The following FOXP4 variants were observed in gnomAD, a reference collection of about 807,000 sequenced individuals.
The protein encoded by FOXP4 is forkhead box protein P4.
A neutral mutation model predicts 82.6 loss-of-function variants in FOXP4; 25 were observed. The observed-to-expected ratio is 0.30, with a 90% CI of 0.22 to 0.42. The LOEUF (loss-of-function observed/expected upper bound fraction) is 0.42, where lower values mean the gene tolerates loss of function less well. Ranked by LOEUF, FOXP4 falls within the 10% of genes least tolerant of loss-of-function variation. The pLI, the probability that FOXP4 is intolerant of heterozygous loss-of-function variation, is 1.00. For synonymous variants in FOXP4, 415 were observed against 388.2 expected, an observed-to-expected ratio of 1.07 and a Z score of -0.81; for missense variants, 785 against 900.9, an observed-to-expected ratio of 0.87 and a Z score of 1.65.
At chr6:41,552,484 G>A (rs1764055007) in intron 1 of FOXP4, among the ~76,000 whole-genome samples, 1 of 152,164 alleles carries the variant, frequency 6.6e-6, no homozygotes, top group South Asian at 2.1e-4. Flanking sequence ...CCTTCAGGAA[G>A]CCTCTGAGCT....
chr6:41,559,659 C>G (rs1260630863), intron 1 of FOXP4, among the ~76,000 whole-genome samples: 1 of 152,166 alleles, frequency 6.6e-6, no homozygotes, highest in Non-Finnish European at 1.5e-5. Flanking sequence ...CAGGTAGATC[C>G]CCAGTGCTTA....
chr6:41,571,696 AAG>A (rs576931502), intron 2 of FOXP4, among the ~76,000 whole-genome samples: 66 of 152,138 alleles, frequency 4.3e-4, no homozygotes, highest in Non-Finnish European at 9.0e-4. Flanking sequence ...CAAGGGAAAA[AAG>A]TGCGGAATAA....
chr6:41,571,499 G>A (rs559991280), intron 2 of FOXP4, among the ~76,000 whole-genome samples: 61 of 152,362 alleles, frequency 4.0e-4, no homozygotes, highest in African/African-American at 1.1e-3. Context: ...GCACTTGGTA[G>A]GGAAGGCGTC....
chr6:41,592,208 C>T (rs1032759176), intron 13 of FOXP4, among the ~76,000 whole-genome samples: 2 of 152,176 alleles, frequency 1.3e-5, no homozygotes, highest in Non-Finnish European at 2.9e-5. Flanking sequence ...GCTACCTCCC[C>T]CAATCCCACT....
At chr6:41,556,167 G>A (rs1764265110) in intron 1 of FOXP4, among the ~76,000 whole-genome samples, 1 of 152,030 alleles carries the variant, frequency 6.6e-6, no homozygotes. Flanking sequence ...GAGCCACCTG[G>A]TTTCAGTTTG....
Position 41,584,850 on chromosome 6 carries a change from C to A in FOXP4, c.382C>A (p.Gln128Lys), listed in dbSNP as rs1472520465. Residue 128 changes from glutamine (Q) to lysine (K), a missense_variant, in exon 4 of 17, where the codon CAG becomes AAG. Physicochemically the swap from Gln to Lys is moderately conservative, Grantham distance 53. Around this residue, in one of 3 missense-constraint regions of FOXP4, gnomAD observed 570 missense variants for 634.0 expected, o/e 0.90. Coordinates refer to ENST00000307972, the MANE Select transcript of FOXP4 (RefSeq NM_001012426.2). ...MQQILSPPQL[Q>K]ALLQQQQALM... ...GCAGATCCTGTCGCCCCCGCAGCTG[C>A]AGGCCTTGCTCCAGCAGCAGCAAGC... 9.3e-6 allele frequency: 15 copies of A among 1,610,962 alleles called. No individual in the cohort carries two copies. Among genetic ancestry groups the A allele is most frequent in the Non-Finnish European group, 1.3e-5 (15 of 1,178,812 alleles).
chr6:41,553,982 G>T (rs1259331652), intron 1 of FOXP4, among the ~76,000 whole-genome samples: 1 of 152,184 alleles, frequency 6.6e-6, no homozygotes, highest in Admixed American at 6.5e-5. Flanking sequence ...GTTCTAATAG[G>T]ACATCCCTAT....
At chr6:41,584,692 C>A in intron 3 of FOXP4, 77 bp from the exon 4 acceptor site, 1 of 1,470,128 alleles carries the variant, frequency 6.8e-7, no homozygotes, top group South Asian at 1.3e-5. Context: ...CTCTGCCACG[C>A]TGAGAGTGGG....
chr6:41,594,834 A>G (rs781333403), intron 13 of FOXP4, 36 bp from the exon 14 acceptor site: 2 of 1,612,142 alleles, frequency 1.2e-6, no homozygotes, highest in South Asian at 2.2e-5. Flanking sequence ...TTGGCCAAGC[A>G]AGCCGCCTCT....
intron 2 of FOXP4, among the ~76,000 whole-genome samples, chr6:41,566,713 C>G (rs1764900913): frequency 6.6e-6 from 1 of 152,212 alleles, no homozygotes; most frequent in Non-Finnish European, 1.5e-5. Context: ...TTGAGGAGAA[C>G]CTTCCCAGCC....
At chr6:41,588,933 G>A (rs1766327060) in intron 9 of FOXP4, among the ~76,000 whole-genome samples, 1 of 152,234 alleles carries the variant, frequency 6.6e-6, no homozygotes, top group Non-Finnish European at 1.5e-5. Context: ...AACCAAGGTT[G>A]GGGGCGTCTC....
rs890609107 is a variant in FOXP4, at chr6:41,558,191, G to T, written c.-16-7554G>T. The stretch of plus-strand genomic sequence containing the variant: ...TTGGAGAGGGATTAAGCCTACTCTC[G>T]AACTCACAGAGCCCCATGTGTTTGG... On this transcript the variant is annotated intron_variant, in intron 1 of 16. Coordinates refer to ENST00000307972, the MANE Select transcript of FOXP4 (RefSeq NM_001012426.2). This position sits in a 1 kb window ranked among gnomAD's most constrained non-coding sequence, Gnocchi z 4.0. 6.6e-6 allele frequency among the ~76,000 whole-genome samples: 1 copy of T among 152,144 alleles called. No homozygotes were observed. Among genetic ancestry groups the T allele is most frequent in the East Asian group, 1.9e-4 (1 of 5,184 alleles).
chr6:41,585,108 C>T (rs1479512888), intron 4 of FOXP4, among the ~76,000 whole-genome samples: 1 of 152,144 alleles, frequency 6.6e-6, no homozygotes, highest in Non-Finnish European at 1.5e-5. Flanking sequence ...GTCCTCCCTC[C>T]CTGCATGCTG....
intron 3 of FOXP4, among the ~76,000 whole-genome samples, chr6:41,579,854 A>G (rs1426030997): frequency 1.3e-5 from 2 of 152,194 alleles, no homozygotes; most frequent in African/African-American, 2.4e-5. Flanking sequence ...AGTGCTTACC[A>G]TGAAGTGTAG....
chr6:41,559,969 C>T (rs1047198100), intron 1 of FOXP4, among the ~76,000 whole-genome samples: 6 of 152,118 alleles, frequency 3.9e-5, no homozygotes, highest in Non-Finnish European at 5.9e-5. Context: ...CGTTGTGGTC[C>T]GTCATTCTCA....
Position 41,598,975 on chromosome 6 carries a change from C to A in FOXP4, c.*39C>A. 2.0e-6 allele frequency: 3 copies of A among 1,511,344 alleles called. No individual in the cohort carries two copies. Among genetic ancestry groups the A allele is most frequent in the African/African-American group, 1.4e-5 (1 of 72,264 alleles). The allele number at this position is 1,511,344 out of a possible 1,614,324, so 93.6% of individuals were successfully genotyped here. On this transcript the variant is annotated 3_prime_UTR_variant, in exon 17 of 17. Transcript: ENST00000307972. The stretch of plus-strand genomic sequence containing the variant: ...CCGGCAGGGCTGGGGTGAGACCCCT[C>A]CCTTCCAGAATCCAGGCCCCATCTC...
Position 41,584,861 on chromosome 6 carries a change from CCAG to C in FOXP4, c.402_404del (p.Gln135del). On this transcript the variant is annotated inframe_deletion, in exon 4 of 17. Coordinates refer to ENST00000307972, the MANE Select transcript of FOXP4 (RefSeq NM_001012426.2). ...CGCCCCCGCAGCTGCAGGCCTTGCT[CCAG>C]CAGCAGCAAGCCCTCATGCTCCAGC... The C allele has an allele frequency of 6.2e-7, 1 of 1,611,348 alleles. No individual in the cohort carries two copies. The highest frequency in any genetic ancestry group is 8.5e-7 in the Non-Finnish European group (1 of 1,179,060).
chr6:41,561,697 G>A (rs1764590167), intron 1 of FOXP4, among the ~76,000 whole-genome samples: 1 of 152,170 alleles, frequency 6.6e-6, no homozygotes, highest in South Asian at 2.1e-4. Flanking sequence ...CTGTGAAAGG[G>A]ACCCGGCTGT....
chr6:41,593,870 C>A lies in FOXP4; in HGVS notation c.1537-1000C>A, dbSNP rs893905550. On this transcript the variant is annotated intron_variant, in intron 13 of 16. Transcript: ENST00000307972. The surrounding 1 kb of genome is among the most constrained non-coding windows in gnomAD (Gnocchi z 4.1). ...ACGGGCTGCCTGCCCTACCCGCTTT[C>A]TTCCCCGTTTAGAAATGTAAAGAGG... is the stretch of plus-strand genomic sequence containing the variant. 6.6e-6 allele frequency among the ~76,000 whole-genome samples: 1 copy of A among 152,208 alleles called. No homozygotes were observed. Among genetic ancestry groups the A allele is most frequent in the African/African-American group, 2.4e-5 (1 of 41,446 alleles).
Sources: allele counts gnomAD v4.1 joint callset (sites outside exome capture counted in the v4.1 genomes callset), GRCh38; gene constraint gnomAD v4.1.1; regional missense constraint gnomAD v4.1.1; non-coding constraint Gnocchi (gnomAD v3.1); transcripts MANE v1.5; gene names NCBI Gene and HGNC (gene_info 2026-07-23, HGNC 2026-07-21).